DLG2: variants seen among roughly 807,000 people sequenced by gnomAD.
DLG2 encodes disks large homolog 2.
DLG2 carries 45 observed loss-of-function variants against 132.5 expected under a neutral mutation model. The ratio of observed to expected loss-of-function variants is 0.34; its 90% CI spans 0.27 to 0.44. The LOEUF (loss-of-function observed/expected upper bound fraction) is 0.44, where lower values mean the gene tolerates loss of function less well. Ranked by LOEUF, DLG2 falls within the 20% of genes least tolerant of loss-of-function variation. The pLI, the probability that DLG2 is intolerant of heterozygous loss-of-function variation, is 1.00. For missense variants in DLG2, 1,045 were observed against 1,196.9 expected, an observed-to-expected ratio of 0.87 and a Z score of 1.87; for synonymous variants, 424 against 419.6, an observed-to-expected ratio of 1.01 and a Z score of -0.13.
chr11:83,646,156 G>A (rs1191738775), intron 18 of DLG2, among the ~76,000 whole-genome samples: 2 of 152,198 alleles, frequency 1.3e-5, no homozygotes, highest in South Asian at 2.1e-4. Flanking sequence ...GTTTCTATTT[G>A]GCACATTTTG....
intron 4 of DLG2, among the ~76,000 whole-genome samples, chr11:85,196,601 T>C (rs2081087451): frequency 6.6e-6 from 1 of 152,236 alleles, no homozygotes; most frequent in African/African-American, 2.4e-5. Flanking sequence ...AAATCAATTT[T>C]GCAAGCTTAT....
intron 19 of DLG2, among the ~76,000 whole-genome samples, chr11:83,584,849 C>T (rs1246830406): frequency 1.3e-5 from 2 of 152,182 alleles, no homozygotes; most frequent in Non-Finnish European, 2.9e-5. Flanking sequence ...AAAAATCATT[C>T]ATTCCTTTAC....
intron 6 of DLG2, among the ~76,000 whole-genome samples, chr11:84,569,007 C>G (rs755656266): frequency 5.9e-5 from 9 of 152,156 alleles, no homozygotes; most frequent in Non-Finnish European, 7.3e-5. Flanking sequence ...CAAAATTGCC[C>G]AGCCAGAGAA....
chr11:83,571,335 G>T (rs948703524), intron 19 of DLG2, among the ~76,000 whole-genome samples: 2 of 121,944 alleles, frequency 1.6e-5, no homozygotes, highest in African/African-American at 6.7e-5. Flanking sequence ...AACACTGGAA[G>T]TTAAAAATTA....
intron 4 of DLG2, among the ~76,000 whole-genome samples, chr11:85,172,635 G>T (rs920638189): frequency 3.3e-5 from 5 of 152,202 alleles, no homozygotes. Context: ...ATTGACAGAA[G>T]TAGGCTTCAG....
intron 6 of DLG2, among the ~76,000 whole-genome samples, chr11:84,958,508 A>G (rs1021528385): frequency 6.6e-6 from 1 of 152,228 alleles, no homozygotes; most frequent in African/African-American, 2.4e-5. Flanking sequence ...GCTTGGCTCC[A>G]GTAAAAGGCT....
At chr11:85,554,866 C>A (rs936696153) in intron 3 of DLG2, among the ~76,000 whole-genome samples, 3 of 151,584 alleles carry the variant, frequency 2.0e-5, no homozygotes, top group Non-Finnish European at 4.4e-5. Flanking sequence ...TCTACCTGGA[C>A]CTGTGAATCA....
At chr11:83,471,842 C>T in intron 23 of DLG2, 115 bp from the exon 24 acceptor site, 1 of 784,442 alleles carries the variant, frequency 1.3e-6, no homozygotes, top group Non-Finnish European at 2.1e-6. Flanking sequence ...AAGGGCATTA[C>T]TTCACTGGAT....
In DLG2 at chr11:84,274,482, T is replaced by G. The variant is rs548022515; in HGVS notation, c.520-23191A>C. Among the ~76,000 whole-genome samples, 6 of 152,328 alleles carry G rather than the reference T, an allele frequency of 3.9e-5. No homozygotes were observed. In the South Asian group the frequency reaches 6.2e-4, roughly 16 times the overall value. ...AAGGTACAAATTGTAGGAAACAGTTTGATAACATACACGAAATATTTTCCC... is the reference window on the plus strand; with the variant it reads ...AAGGTACAAATTGTAGGAAACAGTTGGATAACATACACGAAATATTTTCCC... On this transcript the variant is annotated intron_variant, in intron 7 of 27. Transcript: ENST00000376104.
intron 9 of DLG2, among the ~76,000 whole-genome samples, chr11:84,159,971 G>C (rs993975113): frequency 1.3e-5 from 2 of 152,176 alleles, no homozygotes; most frequent in South Asian, 2.1e-4. Context: ...GAACCAATTA[G>C]TCAATATGAA....
intron 6 of DLG2, among the ~76,000 whole-genome samples, chr11:84,655,792 T>C (rs2099687519): frequency 6.6e-6 from 1 of 151,830 alleles, no homozygotes; most frequent in Non-Finnish European, 1.5e-5. Context: ...GTGCAAGTGC[T>C]TGTAAATAGC....
intron 3 of DLG2, among the ~76,000 whole-genome samples, chr11:85,382,017 T>C (rs554463001): frequency 9.2e-5 from 14 of 152,232 alleles, no homozygotes; most frequent in Admixed American, 7.2e-4. Flanking sequence ...TTCTAGACAT[T>C]GACAAGCTGA....
At chr11:85,040,191 G>C (rs114027313) in intron 6 of DLG2, among the ~76,000 whole-genome samples, 3,304 of 151,992 alleles carry the variant, frequency 0.022, 130 homozygotes, top group African/African-American at 0.076. Context: ...TACCAAGGAT[G>C]AAAAGAATTG....
At chr11:84,466,461 C>T (rs945208596) in intron 7 of DLG2, among the ~76,000 whole-genome samples, 1 of 150,822 alleles carries the variant, frequency 6.6e-6, no homozygotes, top group Non-Finnish European at 1.5e-5. Context: ...GCTAAAAGCC[C>T]AAGAGAACAA....
intron 17 of DLG2, among the ~76,000 whole-genome samples, chr11:83,831,021 AGT>A (rs2054343743): frequency 6.6e-6 from 1 of 152,232 alleles, no homozygotes; most frequent in Admixed American, 6.5e-5. Flanking sequence ...TTCAGGCTAT[AGT>A]GACTTCTTAA....
At chr11:83,672,375 C>T (rs1207448552) in intron 18 of DLG2, among the ~76,000 whole-genome samples, 2 of 152,046 alleles carry the variant, frequency 1.3e-5, no homozygotes, top group Non-Finnish European at 2.9e-5. Flanking sequence ...CAGGGTTTCT[C>T]CATGTTGGTC....
intron 6 of DLG2, among the ~76,000 whole-genome samples, chr11:84,589,052 T>G (rs1224050280): frequency 6.6e-6 from 1 of 151,956 alleles, no homozygotes; most frequent in East Asian, 1.9e-4. Context: ...AGGTAAGTGG[T>G]GGGGTCTGGT....
Position 85,338,701 on chromosome 11 carries a change from A to ATT in DLG2, c.41-53338_41-53337dup, listed in dbSNP as rs35378658. 3.5e-4 allele frequency among the ~76,000 whole-genome samples: 29 copies of ATT among 83,564 alleles called. 1 individual carries two copies. Among genetic ancestry groups the ATT allele is most frequent in the African/African-American group, 6.3e-4 (14 of 22,250 alleles). 54.8% of individuals were successfully genotyped at this position (83,564 alleles called of 152,430 possible). A position where few individuals can be genotyped will look rare whatever the true frequency, so the allele number is the denominator to read the frequency against. The stretch of plus-strand genomic sequence containing the variant: ...CCCACACACCCTCTGTGTATAAATA[A>ATT]TTTTTTTTTTTTTTTTTTTTTTGAG... On this transcript the variant is annotated intron_variant, in intron 3 of 27. Coordinates refer to ENST00000376104, the MANE Select transcript of DLG2 (RefSeq NM_001142699.3).
intron 6 of DLG2, among the ~76,000 whole-genome samples, chr11:84,656,564 T>C (rs1049780536): frequency 3.3e-5 from 5 of 152,276 alleles, no homozygotes; most frequent in East Asian, 1.9e-4. Context: ...ATTCTGCAAC[T>C]ATGTTTGGGA....
Sources: gnomAD v4.1 joint callset for allele counts (sites outside exome capture counted in the v4.1 genomes callset) on GRCh38, gnomAD v4.1.1 for gene constraint, MANE v1.5 for transcripts, NCBI Gene and HGNC (gene_info 2026-07-23, HGNC 2026-07-21) for gene names.